The following SF3B3 variants were observed in gnomAD, a reference collection of about 807,000 sequenced individuals.
The protein encoded by SF3B3 is SAP 130.
In SF3B3, 33 loss-of-function variants were observed where a neutral mutation model predicts 139.2. The ratio of observed to expected loss-of-function variants is 0.24; its 90% CI spans 0.18 to 0.32. The LOEUF (loss-of-function observed/expected upper bound fraction) is 0.32. SF3B3 is among the 10% of genes least tolerant of loss of function. The probability of loss-of-function intolerance (pLI) is 1.00; values close to 1 mark genes in which losing one functional copy is unlikely to be tolerated. For synonymous variants in SF3B3, 596 were observed against 563.6 expected, an observed-to-expected ratio of 1.06 and a Z score of -0.81; for missense variants, 818 against 1,509.4, an observed-to-expected ratio of 0.54 and a Z score of 7.59.
At position 70,575,945 on chromosome 16, in the gene SF3B3, G is replaced by GCACC. The variant is rs2050575691; in HGVS notation, c.*4132_*4133insCACC. The GCACC allele has an allele frequency of 1.3e-5, 2 of 152,208 alleles. No individual in the cohort carries two copies. The highest frequency in any genetic ancestry group is 4.8e-5 in the African/African-American group (2 of 41,444). 9.4% of individuals were successfully genotyped at this position (152,208 alleles called of 1,614,324 possible). A position where few individuals can be genotyped will look rare whatever the true frequency, so the allele number is the denominator to read the frequency against. On this transcript the variant is annotated 3_prime_UTR_variant, in exon 26 of 26. Coordinates refer to ENST00000302516, the MANE Select transcript of SF3B3 (RefSeq NM_012426.5). Reference sequence around the variant, plus strand: ...GGGTCTGCTCCCAATTATTCACACGGTGGTTCATGCCTGGTAATCCCAGCA... The same window carrying GCACC: ...GGGTCTGCTCCCAATTATTCACACGGCACCTGGTTCATGCCTGGTAATCCCAGCA...
intron 1 of SF3B3, among the ~76,000 whole-genome samples, chr16:70,524,391 G>C (rs2050028241): frequency 6.6e-6 from 1 of 152,228 alleles, no homozygotes; most frequent in Admixed American, 6.5e-5. Flanking sequence ...TTTCTCGTTT[G>C]CGTAATGGAG....
chr16:70,551,439 C>T (rs1487038652), intron 11 of SF3B3, among the ~76,000 whole-genome samples: 7 of 152,034 alleles, frequency 4.6e-5, no homozygotes, highest in Admixed American at 6.6e-5. Context: ...GGGCTGGGCG[C>T]GGTGGCTCAC....
chr16:70,557,369 C>T (rs180927362), intron 15 of SF3B3, among the ~76,000 whole-genome samples: 103 of 152,324 alleles, frequency 6.8e-4, no homozygotes, highest in Non-Finnish European at 1.0e-3. Context: ...TAATTGGCTT[C>T]ATTAGCAATA....
At chr16:70,559,027 G>A (rs562586109) in intron 15 of SF3B3, among the ~76,000 whole-genome samples, 55 of 152,278 alleles carry the variant, frequency 3.6e-4, no homozygotes, top group Non-Finnish European at 6.2e-4. Flanking sequence ...AGGTGGTGCT[G>A]TTTACTCCTG....
At chr16:70,531,299 G>A (rs1454149859) in intron 4 of SF3B3, among the ~76,000 whole-genome samples, 1 of 151,950 alleles carries the variant, frequency 6.6e-6, no homozygotes, top group African/African-American at 2.4e-5. Context: ...TTTCTTCCTT[G>A]TGCATACCTT....
intron 8 of SF3B3, among the ~76,000 whole-genome samples, chr16:70,539,533 A>C (rs957698863): frequency 4.8e-5 from 7 of 145,016 alleles, no homozygotes; most frequent in African/African-American, 1.5e-4. Flanking sequence ...GGGTAACAAG[A>C]GCGAAACTCT....
chr16:70,562,245 G>T (rs1453714560), intron 17 of SF3B3, among the ~76,000 whole-genome samples: 1 of 152,154 alleles, frequency 6.6e-6, no homozygotes, highest in Admixed American at 6.5e-5. Context: ...AGCACTGTAT[G>T]TAATATTCTT....
At chr16:70,557,680 T>A (rs1597719865) in intron 15 of SF3B3, among the ~76,000 whole-genome samples, 1 of 152,176 alleles carries the variant, frequency 6.6e-6, no homozygotes. Context: ...TTTTTTCTTT[T>A]GTTGGATTTT....
At chr16:70,532,081 T>A (rs1027964448) in intron 4 of SF3B3, among the ~76,000 whole-genome samples, 1 of 152,060 alleles carries the variant, frequency 6.6e-6, no homozygotes, top group Admixed American at 6.6e-5. Flanking sequence ...TCACCTGAGG[T>A]CAGGAGTTCG....
intron 14 of SF3B3, 44 bp downstream of exon 14, chr16:70,556,378 G>A: frequency 6.2e-7 from 1 of 1,608,998 alleles, no homozygotes; most frequent in East Asian, 2.2e-5. Flanking sequence ...GTTGGAACCT[G>A]AGCATCTGGC....
Position 70,539,099 on chromosome 16 carries a change from AC to A in SF3B3, c.964-3del. The A allele has an allele frequency of 3.1e-6, 5 of 1,605,206 alleles. No homozygotes were observed. Among genetic ancestry groups the A allele is most frequent in the Non-Finnish European group, 4.3e-6 (5 of 1,171,898 alleles). On this transcript the variant is annotated splice_region_variant and splice_polypyrimidine_tract_variant and intron_variant, in intron 7 of 25. Coordinates refer to ENST00000302516, the MANE Select transcript of SF3B3 (RefSeq NM_012426.5). Reference sequence around the variant, plus strand: ...TGTACACCAGAATGTTTCTTTTCTCACCAGGTTACTGAGATCCGGCTCAAAT... The same window carrying A: ...TGTACACCAGAATGTTTCTTTTCTCACAGGTTACTGAGATCCGGCTCAAAT...
chr16:70,576,021 C>G lies in SF3B3; in HGVS notation c.*4208C>G, dbSNP rs1392253399. 4 of 151,964 alleles carry G rather than the reference C, an allele frequency of 2.6e-5. No individual in the cohort carries two copies. Among genetic ancestry groups the G allele is most frequent in the Non-Finnish European group, 5.9e-5 (4 of 68,002 alleles). 9.4% of individuals were successfully genotyped at this position (151,964 alleles called of 1,614,324 possible). A position where few individuals can be genotyped will look rare whatever the true frequency, so the allele number is the denominator to read the frequency against. ...TTGCTTGAGCCCAGAAGTTTAAGAC[C>G]AGCCTAGGAAACAGACCCCATCTCT... On this transcript the variant is annotated 3_prime_UTR_variant, in exon 26 of 26. Transcript: ENST00000302516.
At chr16:70,560,763 C>G (rs182310241) in intron 16 of SF3B3, among the ~76,000 whole-genome samples, 172 bp downstream of exon 16, 6 of 152,300 alleles carry the variant, frequency 3.9e-5, no homozygotes, top group Admixed American at 2.0e-4. Flanking sequence ...CACTGGGGCT[C>G]CATCGCACCA....
At chr16:70,557,134 T>A (rs2050386403) in intron 15 of SF3B3, 105 bp downstream of exon 15, 1 of 1,238,842 alleles carries the variant, frequency 8.1e-7, no homozygotes, top group African/African-American at 1.5e-5. Context: ...TTTCAGATCC[T>A]CACCTTATGA....
chr16:70,555,477 C>CAAAA (rs33955800), intron 13 of SF3B3, among the ~76,000 whole-genome samples: 4 of 73,094 alleles, frequency 5.5e-5, no homozygotes, highest in African/African-American at 1.1e-4. Context: ...GACTCCGTCT[C>CAAAA]AAAAAAAAAA....
chr16:70,524,474 GTAA>G (rs1225964869), intron 1 of SF3B3: 1 of 152,254 alleles, frequency 6.6e-6, no homozygotes, highest in Non-Finnish European at 1.5e-5. Context: ...CAAGCTTTTT[GTAA>G]TAATGGTAAA....
intron 21 of SF3B3, 150 bp downstream of exon 21, chr16:70,567,686 T>C: frequency 1.9e-6 from 2 of 1,053,204 alleles, no homozygotes; most frequent in East Asian, 5.6e-5. Context: ...GCCCTTGTTT[T>C]TTTGTTTTTT....
Position 70,555,473 on chromosome 16 carries a change from G to A in SF3B3, c.1710+267G>A, listed in dbSNP as rs557030559. 2.5e-3 allele frequency among the ~76,000 whole-genome samples: 251 copies of A among 98,578 alleles called. 2 individuals carry two copies. Among genetic ancestry groups the A allele is most frequent in the Admixed American group, 6.4e-3 (48 of 7,468 alleles). 64.7% of individuals were successfully genotyped at this position (98,578 alleles called of 152,430 possible). Reference sequence around the variant, plus strand: ...CAGCCTGGCGACAGAGCAAGACTCCGTCTCAAAAAAAAAAAAAAAAAAAAA... The same window carrying A: ...CAGCCTGGCGACAGAGCAAGACTCCATCTCAAAAAAAAAAAAAAAAAAAAA... On this transcript the variant is annotated intron_variant, in intron 13 of 25. Coordinates refer to ENST00000302516, the MANE Select transcript of SF3B3 (RefSeq NM_012426.5).
At chr16:70,545,578 G>A (rs558099733) in intron 10 of SF3B3, among the ~76,000 whole-genome samples, 18 of 152,278 alleles carry the variant, frequency 1.2e-4, no homozygotes, top group African/African-American at 4.3e-4. Flanking sequence ...AAAATAAAAA[G>A]CTTCCTATAA....
Sources: allele counts gnomAD v4.1 joint callset (sites outside exome capture counted in the v4.1 genomes callset), GRCh38; gene constraint gnomAD v4.1.1; transcripts MANE v1.5; gene names NCBI Gene and HGNC (gene_info 2026-07-23, HGNC 2026-07-21).